The following DEAF1 variants were observed in gnomAD, a reference collection of about 807,000 sequenced individuals.
DEAF1 encodes the protein DEAF1 transcription factor.
DEAF1 carries 53 observed loss-of-function variants against 58.9 expected under a neutral mutation model. The ratio of observed to expected loss-of-function variants is 0.90; its 90% CI spans 0.72 to 1.13. DEAF1 has a LOEUF of 1.13. Ranked by LOEUF, DEAF1 falls within the 50% of genes most tolerant of loss-of-function variation. The pLI is 0.00. For synonymous variants in DEAF1, 385 were observed against 340.4 expected (o/e 1.13, Z -1.44); for missense variants, 685 against 791.4 (o/e 0.87, Z 1.61).
chr11:696,357 A>G (rs1861156771), upstream of DEAF1, among the ~76,000 whole-genome samples: 1 of 152,194 alleles, frequency 6.6e-6, no homozygotes, highest in Admixed American at 6.5e-5. Context: ...CGGGCGCTGA[A>G]GTGCCAAACC....
intron 4 of DEAF1, among the ~76,000 whole-genome samples, chr11:687,539 G>A (rs921487528): frequency 6.6e-6 from 1 of 152,212 alleles, no homozygotes; most frequent in African/African-American, 2.4e-5. Flanking sequence ...GCCCAGGATG[G>A]AGTGCAGTGG....
intron 10 of DEAF1, among the ~76,000 whole-genome samples, chr11:656,609 G>T (rs867988333): frequency 2.6e-5 from 4 of 152,238 alleles, no homozygotes; most frequent in Non-Finnish European, 4.4e-5. Context: ...GAGGTCAGGT[G>T]GGGTGGGAGG....
intron 10 of DEAF1, among the ~76,000 whole-genome samples, chr11:659,313 A>T (rs1859208705): frequency 1.3e-5 from 2 of 151,740 alleles, no homozygotes; most frequent in East Asian, 3.9e-4. Flanking sequence ...GGATTGCTTG[A>T]GCCTGGGAGG....
chr11:669,261 C>T (rs553948378), intron 10 of DEAF1, among the ~76,000 whole-genome samples: 3 of 150,886 alleles, frequency 2.0e-5, no homozygotes, highest in South Asian at 2.1e-4. Context: ...CGAAATAAAT[C>T]GTAATCAATT....
rs542920475 is a variant in DEAF1 at position 686,638 on chromosome 11, A to G, written c.804+220T>C. On this transcript the variant is annotated intron_variant, in intron 5 of 11. Transcript: ENST00000382409. Reference sequence around the variant, plus strand: ...GTGACCTCATGCACTTCTCCCAACAATCCTCACAGGGTCACGATCATCGTC... The same window carrying G: ...GTGACCTCATGCACTTCTCCCAACAGTCCTCACAGGGTCACGATCATCGTC... Among the ~76,000 whole-genome samples, 13 of 152,280 alleles carry G rather than the reference A, an allele frequency of 8.5e-5. No homozygotes were observed. In the South Asian group the frequency reaches 2.3e-3, roughly 27 times the overall value.
In DEAF1 at chr11:678,749, G is replaced by A. The variant is rs1456877088; in HGVS notation, c.1200C>T (p.Ser400=). The change falls in exon 9 of 12, where the codon AGC becomes AGT. Residue 400 remains serine, a synonymous_variant. Transcript: ENST00000382409. ...PEPHYPGYQD[S]CQIAPFPEAA... is the part of the protein sequence containing the mutation. ...CTTCTGGAAACGGTGCGATCTGGCA[G>A]CTGTCCTGATAGCCGGGGTAGTGAG... 1.2e-6 allele frequency: 2 copies of A among 1,614,108 alleles called. No homozygotes were observed. The highest frequency in any genetic ancestry group is 2.7e-5 in the African/African-American group (2 of 74,952).
At position 644,546 on chromosome 11, in the gene DEAF1, A is replaced by C. The variant is rs776038399; in HGVS notation, c.*4T>G. 1 of 1,611,658 alleles carries C rather than the reference A, an allele frequency of 6.2e-7. No homozygotes were observed. Among genetic ancestry groups the C allele is most frequent in the South Asian group, 1.1e-5 (1 of 90,894 alleles). Reference sequence around the variant, plus strand: ...CCCCAGCTCCCAGGGCGGCCGATGGAGCCTCACACGGTCACCTTCTCCATC... The same window carrying C: ...CCCCAGCTCCCAGGGCGGCCGATGGCGCCTCACACGGTCACCTTCTCCATC... On this transcript the variant is annotated 3_prime_UTR_variant, in exon 12 of 12. Coordinates refer to ENST00000382409, the MANE Select transcript of DEAF1 (RefSeq NM_021008.4). This position sits in a 1 kb window ranked among gnomAD's most constrained non-coding sequence, Gnocchi z 4.3.
intron 10 of DEAF1, among the ~76,000 whole-genome samples, chr11:668,049 T>G (rs1859635831): frequency 6.6e-6 from 1 of 152,020 alleles, no homozygotes; most frequent in Non-Finnish European, 1.5e-5. Flanking sequence ...GAAATGGAGG[T>G]TGCAGTGAGC....
At position 678,989 on chromosome 11, in the gene DEAF1, T is replaced by C. The variant is rs186833435; in HGVS notation, c.1127-167A>G. Among the ~76,000 whole-genome samples, 28 of 152,244 alleles carry C rather than the reference T, an allele frequency of 1.8e-4. No homozygotes were observed. The East Asian group carries it at 4.6e-3, about 25-fold the overall frequency. Reference sequence around the variant, plus strand: ...ATCCTGAATCGTTGACATAATAGGATTGGGGCTATATCAGGTGAAATAAAA... The same window carrying C: ...ATCCTGAATCGTTGACATAATAGGACTGGGGCTATATCAGGTGAAATAAAA... On this transcript the variant is annotated intron_variant, in intron 8 of 11. Coordinates refer to ENST00000382409, the MANE Select transcript of DEAF1 (RefSeq NM_021008.4).
At chr11:681,110 G>C in intron 6 of DEAF1, 21 bp from the exon 7 acceptor site, 2 of 1,613,574 alleles carry the variant, frequency 1.2e-6, no homozygotes, top group Non-Finnish European at 1.7e-6. Context: ...AAGGAGAGAG[G>C]CCACCACCTT....
intron 11 of DEAF1, among the ~76,000 whole-genome samples, chr11:647,681 G>A (rs1159382435): frequency 6.6e-6 from 1 of 152,224 alleles, no homozygotes; most frequent in Non-Finnish European, 1.5e-5. Flanking sequence ...TAAAGCAGCT[G>A]ATACAGGTGA....
At chr11:674,355 A>C (rs1322890196) in intron 10 of DEAF1, 181 bp downstream of exon 10, 1 of 866,860 alleles carries the variant, frequency 1.2e-6, no homozygotes, top group Non-Finnish European at 1.8e-6. Context: ...TAACAACAAT[A>C]GCTGTCACTT....
At chr11:701,479 T>G (rs569919876) in intron 1 of DEAF1, among the ~76,000 whole-genome samples, 1 of 147,110 alleles carries the variant, frequency 6.8e-6, no homozygotes, top group South Asian at 2.2e-4. Flanking sequence ...GGCGTGAACT[T>G]GGCTCACTGC....
chr11:691,280 C>G (rs1026743715), intron 2 of DEAF1, among the ~76,000 whole-genome samples: 3 of 152,256 alleles, frequency 2.0e-5, no homozygotes, highest in African/African-American at 7.2e-5. Context: ...AGGTGTGGCT[C>G]TTCACCTGGC....
chr11:706,500 G>A (rs1445604562), intron 1 of DEAF1: 1 of 152,390 alleles, frequency 6.6e-6, no homozygotes, highest in Non-Finnish European at 1.5e-5. Context: ...GCTGCAGCCC[G>A]GCCTGCCCCC....
At chr11:702,124 G>A (rs1262400584) in intron 1 of DEAF1, among the ~76,000 whole-genome samples, 5 of 152,164 alleles carry the variant, frequency 3.3e-5, no homozygotes, top group East Asian at 3.9e-4. Context: ...CCAAGGCTGC[G>A]GGGAAGGGTG....
chr11:644,317 T>G lies in DEAF1; in HGVS notation c.*233A>C. The G allele has an allele frequency of 3.3e-6, 2 of 606,206 alleles. No individual in the cohort carries two copies. Among genetic ancestry groups the G allele is most frequent in the Non-Finnish European group, 3.0e-6 (1 of 337,120 alleles). The allele number at this position is 606,206 out of a possible 1,614,324, so 37.6% of individuals were successfully genotyped here. ...CCCTGTGGGCAAGACCGGACGCTCA[T>G]GATCCCAGGGATAAAAAATCTGTCC... is the stretch of plus-strand genomic sequence containing the variant. On this transcript the variant is annotated 3_prime_UTR_variant, in exon 12 of 12. Coordinates refer to ENST00000382409, the MANE Select transcript of DEAF1 (RefSeq NM_021008.4). The surrounding 1 kb of genome is among the most constrained non-coding windows in gnomAD (Gnocchi z 4.3).
chr11:688,813 C>T lies in DEAF1; in HGVS notation c.388-353G>A, dbSNP rs1001696678. ...AGAGTTTCCAACAGACCGAGTTGGCCGCCACAGACAAGGCCTTGTGCAGGA... is the reference window on the plus strand; with the variant it reads ...AGAGTTTCCAACAGACCGAGTTGGCTGCCACAGACAAGGCCTTGTGCAGGA... On this transcript the variant is annotated intron_variant, in intron 2 of 11. Coordinates refer to ENST00000382409, the MANE Select transcript of DEAF1 (RefSeq NM_021008.4). The surrounding 1 kb of genome is among the most constrained non-coding windows in gnomAD (Gnocchi z 4.3). Among the ~76,000 whole-genome samples the T allele has an allele frequency of 1.3e-5, 2 of 152,166 alleles. No individual in the cohort carries two copies. Among genetic ancestry groups the T allele is most frequent in the African/African-American group, 2.4e-5 (1 of 41,438 alleles).
intron 11 of DEAF1, among the ~76,000 whole-genome samples, chr11:649,994 C>G (rs1858686960): frequency 6.6e-6 from 1 of 151,928 alleles, no homozygotes; most frequent in East Asian, 1.9e-4. Context: ...CCATTGCACT[C>G]CAGCCTGGCG....
Sources: gnomAD v4.1 joint callset for allele counts (sites outside exome capture counted in the v4.1 genomes callset) on GRCh38, gnomAD v4.1.1 for gene constraint, Gnocchi (gnomAD v3.1) non-coding constraint, MANE v1.5 for transcripts, NCBI Gene and HGNC (gene_info 2026-07-23, HGNC 2026-07-21) for gene names.